GFOD1: variants seen among roughly 807,000 people sequenced by gnomAD.
GFOD1 encodes glucose-fructose oxidoreductase domain-containing protein 1.
In GFOD1, 9 loss-of-function variants were observed where a neutral mutation model predicts 25.4. That is an observed-to-expected ratio of 0.35 (90% confidence interval 0.21 to 0.62). The LOEUF (loss-of-function observed/expected upper bound fraction) is 0.62, where lower values mean the gene tolerates loss of function less well. Among genes scored for constraint, GFOD1 ranks in the 20% least tolerant of loss-of-function variants. The pLI is 0.72. For synonymous variants in GFOD1, 253 were observed against 245.6 expected (o/e 1.03, Z -0.28); for missense variants, 403 against 556.9 (o/e 0.72, Z 2.78).
At chr6:13,468,082 TA>T (rs1173794584) in intron 1 of GFOD1, among the ~76,000 whole-genome samples, 2 of 152,216 alleles carry the variant, frequency 1.3e-5, no homozygotes, top group Non-Finnish European at 2.9e-5. Context: ...TTCATTATGA[TA>T]TTTTTTTAAA....
chr6:13,474,270 T>C (rs1351339306), intron 1 of GFOD1, among the ~76,000 whole-genome samples: 4 of 151,992 alleles, frequency 2.6e-5, no homozygotes, highest in African/African-American at 9.7e-5. Flanking sequence ...TTCCAGCTAC[T>C]GGGGAGGCTG....
At chr6:13,403,222 T>C (rs993962306) in intron 1 of GFOD1, among the ~76,000 whole-genome samples, 1 of 151,514 alleles carries the variant, frequency 6.6e-6, no homozygotes, top group Non-Finnish European at 1.5e-5. Flanking sequence ...ACCTCCTGGG[T>C]TCAAGTGATT....
In GFOD1 at chr6:13,471,296, C is replaced by T. The variant is rs937546824; in HGVS notation, c.253+15342G>A. Reference sequence around the variant, plus strand: ...CTGGGCCATCTACTAAGACCCTTTGCTTCTTGGTGCTTTGAGGAGGGAAAA... The same window carrying T: ...CTGGGCCATCTACTAAGACCCTTTGTTTCTTGGTGCTTTGAGGAGGGAAAA... On this transcript the variant is annotated intron_variant, in intron 1 of 1. Coordinates refer to ENST00000379287, the MANE Select transcript of GFOD1 (RefSeq NM_018988.4). Among the ~76,000 whole-genome samples, 7 of 152,130 alleles carry T rather than the reference C, an allele frequency of 4.6e-5. No homozygotes were observed. The East Asian group carries it at 1.3e-3, about 29-fold the overall frequency.
intron 1 of GFOD1, among the ~76,000 whole-genome samples, chr6:13,401,229 A>C (rs1242742746): frequency 6.6e-6 from 1 of 152,220 alleles, no homozygotes; most frequent in Non-Finnish European, 1.5e-5. Flanking sequence ...AAAACGGAGG[A>C]GACTTGAAAG....
intron 1 of GFOD1, among the ~76,000 whole-genome samples, chr6:13,403,573 A>G (rs963283472): frequency 6.6e-6 from 1 of 152,232 alleles, no homozygotes; most frequent in Non-Finnish European, 1.5e-5. Flanking sequence ...ATCTGTAAAA[A>G]TGTACAGTAA....
At chr6:13,477,030 G>C (rs1758637785) in intron 1 of GFOD1, among the ~76,000 whole-genome samples, 1 of 152,088 alleles carries the variant, frequency 6.6e-6, no homozygotes, top group South Asian at 2.1e-4. Context: ...CCTGCTTTGA[G>C]GACAAGTGCT....
intron 1 of GFOD1, among the ~76,000 whole-genome samples, chr6:13,406,892 T>G (rs1313156827): frequency 6.6e-6 from 1 of 152,198 alleles, no homozygotes; most frequent in Non-Finnish European, 1.5e-5. Flanking sequence ...TCTGCCCTTG[T>G]CAGTTCTCTC....
intron 1 of GFOD1, among the ~76,000 whole-genome samples, chr6:13,375,148 A>T (rs144554728): frequency 2.3e-4 from 35 of 152,282 alleles, no homozygotes; most frequent in African/African-American, 7.5e-4. Context: ...CAGTCACCCT[A>T]CAGTGCTATA....
At chr6:13,447,696 G>A (rs1219877468) in intron 1 of GFOD1, among the ~76,000 whole-genome samples, 2 of 118,890 alleles carry the variant, frequency 1.7e-5, no homozygotes, top group East Asian at 3.0e-4. Flanking sequence ...AGCTGAGATC[G>A]TGCAATTGCA....
chr6:13,407,183 C>T (rs1272593487), intron 1 of GFOD1, among the ~76,000 whole-genome samples: 1 of 152,224 alleles, frequency 6.6e-6, no homozygotes, highest in Non-Finnish European at 1.5e-5. Context: ...CACTATAGAG[C>T]TGCCAGACTG....
At chr6:13,480,248 C>T (rs1045796528) in intron 1 of GFOD1, among the ~76,000 whole-genome samples, 18 of 152,210 alleles carry the variant, frequency 1.2e-4, no homozygotes, top group Admixed American at 2.0e-4. Context: ...CCCAAAAGAG[C>T]CTTGCACTCC....
At chr6:13,386,122 C>T (rs73723293) in intron 1 of GFOD1, among the ~76,000 whole-genome samples, 2,088 of 147,636 alleles carry the variant, frequency 0.014, 52 homozygotes, top group African/African-American at 0.048. Context: ...AGTGCAATGG[C>T]ACTATCTAGG....
At chr6:13,395,677 G>A (rs1350624569) in intron 1 of GFOD1, among the ~76,000 whole-genome samples, 2 of 152,352 alleles carry the variant, frequency 1.3e-5, no homozygotes, top group East Asian at 3.9e-4. Flanking sequence ...CCAGTACTCA[G>A]TCAGAAATGT....
chr6:13,388,817 T>C (rs1320187750), intron 1 of GFOD1, among the ~76,000 whole-genome samples: 6 of 152,206 alleles, frequency 3.9e-5, no homozygotes, highest in African/African-American at 1.4e-4. Flanking sequence ...ATCATCAGAA[T>C]GAACAGGCAA....
At chr6:13,377,456 C>T (rs1785277637) in intron 1 of GFOD1, among the ~76,000 whole-genome samples, 1 of 152,196 alleles carries the variant, frequency 6.6e-6, no homozygotes, top group Non-Finnish European at 1.5e-5. Flanking sequence ...GTCCCCATCT[C>T]CTTGCTGGCT....
intron 1 of GFOD1, among the ~76,000 whole-genome samples, chr6:13,400,626 C>T (rs1050298377): frequency 6.6e-6 from 1 of 152,220 alleles, no homozygotes; most frequent in East Asian, 1.9e-4. Flanking sequence ...GAATGAAGTG[C>T]TGCTGATGGA....
intron 1 of GFOD1, among the ~76,000 whole-genome samples, chr6:13,464,611 A>G (rs1257718814): frequency 6.6e-6 from 1 of 152,196 alleles, no homozygotes; most frequent in East Asian, 1.9e-4. Flanking sequence ...CTCCTGTGAA[A>G]GTATTTTTTA....
chr6:13,424,966 T>TTTA (rs1178563523), intron 1 of GFOD1, among the ~76,000 whole-genome samples: 209 of 149,632 alleles, frequency 1.4e-3, no homozygotes, highest in African/African-American at 5.0e-3. Context: ...CTTTTTTTTT[T>TTTA]TTTTTTTTTT....
intron 1 of GFOD1, among the ~76,000 whole-genome samples, chr6:13,375,271 G>T (rs73364978): frequency 7.0e-4 from 106 of 152,184 alleles, no homozygotes; most frequent in African/African-American, 2.4e-3. Context: ...GTTATTCTTT[G>T]CACCCATGTC....
Sources: gnomAD v4.1 joint callset for allele counts (sites outside exome capture counted in the v4.1 genomes callset) on GRCh38, gnomAD v4.1.1 for gene constraint, MANE v1.5 for transcripts, NCBI Gene and HGNC (gene_info 2026-07-23, HGNC 2026-07-21) for gene names.